The following NOS1AP variants were observed in gnomAD, a reference collection of about 807,000 sequenced individuals.
The protein encoded by NOS1AP is carboxyl-terminal PDZ ligand of neuronal nitric oxide synthase protein.
A neutral mutation model predicts 56.2 loss-of-function variants in NOS1AP; 21 were observed. The observed-to-expected ratio is 0.37, with a 90% CI of 0.26 to 0.54. NOS1AP has a LOEUF of 0.54. NOS1AP is among the 20% of genes least tolerant of loss of function. The probability of loss-of-function intolerance (pLI) is 0.84; values close to 1 mark genes in which losing one functional copy is unlikely to be tolerated. For synonymous variants in NOS1AP, 270 were observed against 274.6 expected (o/e 0.98, Z 0.17); for missense variants, 522 against 657.8 (o/e 0.79, Z 2.26).
chr1:162,307,909 AG>A (rs1655892547), intron 4 of NOS1AP, among the ~76,000 whole-genome samples: 1 of 152,148 alleles, frequency 6.6e-6, no homozygotes, highest in African/African-American at 2.4e-5. Flanking sequence ...TAAATTATTC[AG>A]GGCTAACTAG....
rs12096347 is a variant in NOS1AP at position 162,070,515 on chromosome 1, C to A, written c.105+233C>A. Among the ~76,000 whole-genome samples, 47,963 of 152,050 alleles carry A rather than the reference C, an allele frequency of 0.32. 8,027 individuals are homozygous for A. Among genetic ancestry groups the A allele is most frequent in the South Asian group, 0.64 (3,084 of 4,820 alleles). ...GCGGTATTGCCTCACCTCCCCCTTCCCACCTGCAGACTCCCCCATCCTTAC... is the reference window on the plus strand; with the variant it reads ...GCGGTATTGCCTCACCTCCCCCTTCACACCTGCAGACTCCCCCATCCTTAC... On this transcript the variant is annotated intron_variant, in intron 1 of 9. Coordinates refer to ENST00000361897, the MANE Select transcript of NOS1AP (RefSeq NM_014697.3).
chr1:162,253,092 T>C (rs1653919382), intron 2 of NOS1AP, among the ~76,000 whole-genome samples: 1 of 152,306 alleles, frequency 6.6e-6, no homozygotes, highest in South Asian at 2.1e-4. Flanking sequence ...TAAGAGGTGA[T>C]TAGGTGAAAA....
At chr1:162,338,491 G>C (rs1206850778) in intron 5 of NOS1AP, among the ~76,000 whole-genome samples, 2 of 152,156 alleles carry the variant, frequency 1.3e-5, no homozygotes, top group East Asian at 3.8e-4. Context: ...GTGAAATTCA[G>C]AACAGTGCCC....
At chr1:162,250,851 C>T (rs1281512061) in intron 2 of NOS1AP, among the ~76,000 whole-genome samples, 3 of 152,140 alleles carry the variant, frequency 2.0e-5, no homozygotes, top group African/African-American at 7.2e-5. Context: ...ATCAGCCAGA[C>T]ACCTTTTTCT....
chr1:162,364,696 C>T, intron 8 of NOS1AP: 1 of 985,586 alleles, frequency 1.0e-6, no homozygotes, highest in Non-Finnish European at 1.2e-6. Flanking sequence ...ATGTTTGACC[C>T]CTACCAGGTG....
At chr1:162,333,658 T>G (rs1169286540) in intron 5 of NOS1AP, among the ~76,000 whole-genome samples, 4 of 152,208 alleles carry the variant, frequency 2.6e-5, no homozygotes, top group Non-Finnish European at 5.9e-5. Context: ...ACTGGGGTTT[T>G]AGAAGCCTAG....
At chr1:162,361,368 C>G (rs1657899711) in intron 8 of NOS1AP, among the ~76,000 whole-genome samples, 1 of 152,216 alleles carries the variant, frequency 6.6e-6, no homozygotes, top group Admixed American at 6.5e-5. Context: ...CTGTAGCAGA[C>G]TGCCCAAACC....
At chr1:162,078,103 C>T (rs986863025) in intron 1 of NOS1AP, among the ~76,000 whole-genome samples, 2 of 152,146 alleles carry the variant, frequency 1.3e-5, no homozygotes, top group South Asian at 4.1e-4. Flanking sequence ...GCTGTTCTAC[C>T]TCCTCCCTTT....
Position 162,367,039 on chromosome 1 carries a change from G to A in NOS1AP, c.1106-13G>A. 1 of 1,613,794 alleles carries A rather than the reference G, an allele frequency of 6.2e-7. No homozygotes were observed. Reference sequence around the variant, plus strand: ...TAACGCTGCCCCTCTGCTACCTCTTGTCTCCCCTGCAGTGGGCTCCCAGGA... The same window carrying A: ...TAACGCTGCCCCTCTGCTACCTCTTATCTCCCCTGCAGTGGGCTCCCAGGA... On this transcript the variant is annotated splice_polypyrimidine_tract_variant and intron_variant, in intron 9 of 9. Transcript: ENST00000361897. This position sits in a 1 kb window ranked among gnomAD's most constrained non-coding sequence, Gnocchi z 6.5.
At chr1:162,120,141 GTA>G (rs975882678) in intron 1 of NOS1AP, among the ~76,000 whole-genome samples, 7 of 151,490 alleles carry the variant, frequency 4.6e-5, no homozygotes, top group Non-Finnish European at 7.4e-5. Flanking sequence ...ACATGTATGT[GTA>G]TATATATGTA....
At chr1:162,304,264 T>C (rs1237174939) in intron 4 of NOS1AP, among the ~76,000 whole-genome samples, 1 of 152,144 alleles carries the variant, frequency 6.6e-6, no homozygotes. Context: ...CCCTGTTTGT[T>C]GAAAAGACTG....
chr1:162,285,317 G>A (rs916745747), intron 2 of NOS1AP, among the ~76,000 whole-genome samples: 2 of 152,206 alleles, frequency 1.3e-5, no homozygotes, highest in Non-Finnish European at 2.9e-5. Flanking sequence ...GTAAATGCAG[G>A]TGTGGTCAGG....
chr1:162,256,562 C>A (rs1654037983), intron 2 of NOS1AP, among the ~76,000 whole-genome samples: 1 of 152,218 alleles, frequency 6.6e-6, no homozygotes, highest in Non-Finnish European at 1.5e-5. Context: ...GCCACATTTG[C>A]TTCACCTTTC....
At chr1:162,220,482 G>A (rs1308577105) in intron 2 of NOS1AP, among the ~76,000 whole-genome samples, 2 of 152,144 alleles carry the variant, frequency 1.3e-5, no homozygotes, top group African/African-American at 4.8e-5. Context: ...ACTCATGGAA[G>A]TGCTGTTGCT....
chr1:162,171,484 T>C (rs994766819), intron 2 of NOS1AP, among the ~76,000 whole-genome samples: 9 of 152,212 alleles, frequency 5.9e-5, no homozygotes, highest in African/African-American at 2.2e-4. Context: ...GCTTCCACTT[T>C]GGTCCAGTTC....
At chr1:162,232,976 G>A (rs1653169765) in intron 2 of NOS1AP, among the ~76,000 whole-genome samples, 1 of 152,110 alleles carries the variant, frequency 6.6e-6, no homozygotes, top group African/African-American at 2.4e-5. Flanking sequence ...AGAGGATGAG[G>A]CAGAATTCAA....
intron 2 of NOS1AP, among the ~76,000 whole-genome samples, chr1:162,184,072 T>C (rs1330920810): frequency 1.3e-5 from 2 of 152,178 alleles, no homozygotes; most frequent in African/African-American, 4.8e-5. Flanking sequence ...GACTCTCCCT[T>C]TCACTTGACC....
At chr1:162,211,294 A>G (rs1226056033) in intron 2 of NOS1AP, among the ~76,000 whole-genome samples, 1 of 152,188 alleles carries the variant, frequency 6.6e-6, no homozygotes, top group Non-Finnish European at 1.5e-5. Context: ...AGTGTCTGGT[A>G]AGGGCTGTCT....
intron 1 of NOS1AP, among the ~76,000 whole-genome samples, chr1:162,115,671 G>A (rs1055467680): frequency 6.6e-5 from 10 of 152,216 alleles, no homozygotes; most frequent in East Asian, 3.9e-4. Flanking sequence ...TGATTTTTCC[G>A]TATAGTTTGA....
Sources: gnomAD v4.1 joint callset for allele counts (sites outside exome capture counted in the v4.1 genomes callset) on GRCh38, gnomAD v4.1.1 for gene constraint, Gnocchi (gnomAD v3.1) non-coding constraint, MANE v1.5 for transcripts, NCBI Gene and HGNC (gene_info 2026-07-23, HGNC 2026-07-21) for gene names.